CDH12: variants seen among roughly 807,000 people sequenced by gnomAD.
CDH12 encodes cadherin-12.
In CDH12, 41 loss-of-function variants were observed where a neutral mutation model predicts 74.1. The ratio of observed to expected loss-of-function variants is 0.55; its 90% CI spans 0.43 to 0.72. The LOEUF (loss-of-function observed/expected upper bound fraction) is 0.72. Ranked by LOEUF, CDH12 falls within the 30% of genes least tolerant of loss-of-function variation. The pLI, the probability that CDH12 is intolerant of heterozygous loss-of-function variation, is 0.00. For missense variants in CDH12, 945 were observed against 977.2 expected, an observed-to-expected ratio of 0.97 and a Z score of 0.44; for synonymous variants, 399 against 355.0, an observed-to-expected ratio of 1.12 and a Z score of -1.39.
At chr5:22,399,507 C>A (rs899324600) in intron 3 of CDH12, among the ~76,000 whole-genome samples, 3 of 152,158 alleles carry the variant, frequency 2.0e-5, no homozygotes, top group African/African-American at 7.2e-5. Flanking sequence ...AAAAGGACAT[C>A]TGTTCCATTG....
In CDH12 at chr5:21,763,752, G is replaced by GA. The variant is rs532205090; in HGVS notation, c.1515+1225dup. 6.6e-5 allele frequency among the ~76,000 whole-genome samples: 10 copies of GA among 152,088 alleles called. No individual in the cohort carries two copies. In the East Asian group the frequency reaches 1.7e-3, roughly 26 times the overall value. ...TAAGACTTTAGGAGGAAAAAAATAA[G>GA]AAAAAATGGCAACCTACCACCACCT... On this transcript the variant is annotated intron_variant, in intron 12 of 14. Coordinates refer to ENST00000382254, the MANE Select transcript of CDH12 (RefSeq NM_004061.5).
intron 1 of CDH12, among the ~76,000 whole-genome samples, chr5:22,797,573 C>G (rs965087946): frequency 6.6e-6 from 1 of 151,990 alleles, no homozygotes; most frequent in African/African-American, 2.4e-5. Context: ...AAAAGCAGAA[C>G]AAGAAACAAG....
chr5:22,783,761 T>A (rs987556462), intron 1 of CDH12, among the ~76,000 whole-genome samples: 1 of 152,148 alleles, frequency 6.6e-6, no homozygotes, highest in East Asian at 1.9e-4. Flanking sequence ...TATGGGGCTG[T>A]GAAATAATAT....
intron 4 of CDH12, among the ~76,000 whole-genome samples, chr5:22,116,663 G>A (rs541015353): frequency 6.0e-5 from 9 of 151,068 alleles, no homozygotes; most frequent in South Asian, 2.1e-4. Flanking sequence ...GGGCCAATAC[G>A]TTGGTTTTAG....
chr5:22,034,558 C>T (rs1172986955), intron 5 of CDH12, among the ~76,000 whole-genome samples: 4 of 152,130 alleles, frequency 2.6e-5, no homozygotes, highest in Non-Finnish European at 5.9e-5. Context: ...GCTCTGTCTG[C>T]CTTCATGCTA....
At chr5:22,274,979 T>A (rs576473865) in intron 3 of CDH12, among the ~76,000 whole-genome samples, 5 of 152,262 alleles carry the variant, frequency 3.3e-5, no homozygotes, top group Non-Finnish European at 5.9e-5. Flanking sequence ...TATGAAGGAA[T>A]ACCTTAAGAA....
chr5:21,936,888 C>A (rs1755097425), intron 6 of CDH12, among the ~76,000 whole-genome samples: 1 of 152,146 alleles, frequency 6.6e-6, no homozygotes, highest in South Asian at 2.1e-4. Context: ...ACTTGCCTTG[C>A]TTTCCCTTCA....
intron 2 of CDH12, among the ~76,000 whole-genome samples, chr5:22,432,321 G>A (rs1248272507): frequency 1.3e-5 from 2 of 152,014 alleles, no homozygotes; most frequent in Non-Finnish European, 2.9e-5. Flanking sequence ...AAGTTTGTAT[G>A]AGTAAACTCT....
At chr5:22,095,098 TAGG>T (rs1403426610) in intron 4 of CDH12, among the ~76,000 whole-genome samples, 1 of 152,170 alleles carries the variant, frequency 6.6e-6, no homozygotes, top group Non-Finnish European at 1.5e-5. Flanking sequence ...GGACCTCCCT[TAGG>T]AGATCAATCC....
chr5:22,792,703 G>A (rs140639858), intron 1 of CDH12, among the ~76,000 whole-genome samples: 2 of 152,250 alleles, frequency 1.3e-5, no homozygotes, highest in Admixed American at 6.5e-5. Context: ...TCTGAGGAAT[G>A]TGTTCATTTC....
chr5:22,024,759 C>T (rs138441122), intron 5 of CDH12, among the ~76,000 whole-genome samples: 1,965 of 152,234 alleles, frequency 0.013, 39 homozygotes, highest in African/African-American at 0.044. Context: ...AGTGATCCAC[C>T]TGCCTCTGCT....
chr5:22,544,567 A>G (rs1738236647), intron 1 of CDH12, among the ~76,000 whole-genome samples: 1 of 152,054 alleles, frequency 6.6e-6, no homozygotes, highest in Non-Finnish European at 1.5e-5. Flanking sequence ...TATATTTCCA[A>G]CACTTCGAGA....
chr5:22,188,157 G>T (rs974435727), intron 4 of CDH12, among the ~76,000 whole-genome samples: 1 of 151,664 alleles, frequency 6.6e-6, no homozygotes, highest in South Asian at 2.1e-4. Flanking sequence ...CCTGATGGAT[G>T]GCTTGGTGCT....
At chr5:22,570,995 T>G (rs1252722896) in intron 1 of CDH12, among the ~76,000 whole-genome samples, 1 of 152,228 alleles carries the variant, frequency 6.6e-6, no homozygotes, top group East Asian at 1.9e-4. Context: ...TCTTAAACTT[T>G]GTAAGCCAAA....
chr5:21,785,453 G>T (rs1485562954), intron 10 of CDH12, among the ~76,000 whole-genome samples: 1 of 152,208 alleles, frequency 6.6e-6, no homozygotes, highest in Non-Finnish European at 1.5e-5. Context: ...TAGTCCAAAA[G>T]CTAGGCCTCT....
At chr5:22,330,431 A>AGGATATG (rs1420166515) in intron 3 of CDH12, among the ~76,000 whole-genome samples, 1 of 151,958 alleles carries the variant, frequency 6.6e-6, no homozygotes, top group Non-Finnish European at 1.5e-5. Flanking sequence ...CCAGCTGTGG[A>AGGATATG]GGATATGGTG....
chr5:22,735,902 T>C (rs1744690276), intron 1 of CDH12, among the ~76,000 whole-genome samples: 1 of 151,894 alleles, frequency 6.6e-6, no homozygotes, highest in African/African-American at 2.4e-5. Flanking sequence ...AGTTATAAGA[T>C]AGTCTTTAAG....
At chr5:21,877,497 G>A (rs370832997) in intron 6 of CDH12, among the ~76,000 whole-genome samples, 13 of 152,198 alleles carry the variant, frequency 8.5e-5, no homozygotes, top group African/African-American at 2.9e-4. Flanking sequence ...TATTGTGTAA[G>A]TTAATAAAGG....
At chr5:22,640,571 C>A (rs1739094529) in intron 1 of CDH12, among the ~76,000 whole-genome samples, 1 of 152,150 alleles carries the variant, frequency 6.6e-6, no homozygotes, top group Non-Finnish European at 1.5e-5. Context: ...AATTTTTTGG[C>A]TGCTGCTGAA....
Sources: gnomAD v4.1 joint callset for allele counts (sites outside exome capture counted in the v4.1 genomes callset) on GRCh38, gnomAD v4.1.1 for gene constraint, MANE v1.5 for transcripts, NCBI Gene and HGNC (gene_info 2026-07-23, HGNC 2026-07-21) for gene names.